The following UBR2 variants were observed in gnomAD, a reference collection of about 807,000 sequenced individuals.
UBR2 encodes ubiquitin protein ligase E3 component n-recognin 2.
In UBR2, 92 loss-of-function variants were observed where a neutral mutation model predicts 247.9. The observed-to-expected ratio is 0.37, with a 90% confidence interval of 0.31 to 0.44. The LOEUF (loss-of-function observed/expected upper bound fraction) is 0.44, where lower values mean the gene tolerates loss of function less well. Ranked by LOEUF, UBR2 falls within the 20% of genes least tolerant of loss-of-function variation. UBR2 has a pLI of 1.00. For synonymous variants in UBR2, 672 were observed against 693.5 expected, an observed-to-expected ratio of 0.97 and a Z score of 0.49; for missense variants, 1,613 against 2,112.6, an observed-to-expected ratio of 0.76 and a Z score of 4.64.
At chr6:42,652,415 C>T (rs1438954843) in intron 24 of UBR2, 76 bp from the exon 25 acceptor site, 2 of 1,458,238 alleles carry the variant, frequency 1.4e-6, no homozygotes, top group African/African-American at 2.9e-5. Context: ...TGAGTTAAAA[C>T]TATCAAAAGT....
intron 14 of UBR2, among the ~76,000 whole-genome samples, chr6:42,636,753 T>A (rs957136490): frequency 1.3e-5 from 2 of 152,066 alleles, no homozygotes; most frequent in African/African-American, 4.8e-5. Flanking sequence ...AGTTGCCAGC[T>A]TGGTAATAGA....
chr6:42,678,527 T>C lies in UBR2; in HGVS notation c.4479-12T>C. The C allele has an allele frequency of 6.3e-7, 1 of 1,598,290 alleles. No individual in the cohort carries two copies. The highest frequency in any genetic ancestry group is 8.5e-7 in the Non-Finnish European group (1 of 1,176,258). Reference sequence around the variant, plus strand: ...TAGTAGATTTCCCAATAATCTTTTTTTTCTTTTTTAGTGCCTTGAAAGAAA... The same window carrying C: ...TAGTAGATTTCCCAATAATCTTTTTCTTCTTTTTTAGTGCCTTGAAAGAAA... On this transcript the variant is annotated splice_polypyrimidine_tract_variant and intron_variant, in intron 40 of 46. Transcript: ENST00000372901.
At chr6:42,617,585 T>C in intron 11 of UBR2, 78 bp downstream of exon 11, 1 of 1,269,776 alleles carries the variant, frequency 7.9e-7, no homozygotes, top group Non-Finnish European at 1.1e-6. Context: ...CTAAAGTCTG[T>C]ATATTCCTGA....
intron 1 of UBR2, among the ~76,000 whole-genome samples, chr6:42,564,815 C>T (rs1260652147): frequency 6.6e-6 from 1 of 151,862 alleles, no homozygotes; most frequent in Non-Finnish European, 1.5e-5. Flanking sequence ...CAAGCGAAGC[C>T]GTGTGCTCCT....
Position 42,671,814 on chromosome 6 carries a change from T to C in UBR2, c.4086+1099T>C, listed in dbSNP as rs77745180. On this transcript the variant is annotated intron_variant, in intron 36 of 46. Transcript: ENST00000372901. ...AGTTCTGCCATCTAATACTCTTCCC[T>C]GGTCAGCCCCATCTATGCCTCTGAT... 8.0e-3 allele frequency among the ~76,000 whole-genome samples: 1,215 copies of C among 152,308 alleles called. 12 individuals carry two copies. Among genetic ancestry groups the C allele is most frequent in the African/African-American group, 0.027 (1,143 of 41,568 alleles).
chr6:42,584,972 T>C (rs1792162488), intron 2 of UBR2, among the ~76,000 whole-genome samples: 1 of 152,192 alleles, frequency 6.6e-6, no homozygotes, highest in Non-Finnish European at 1.5e-5. Context: ...TCTAATCTTT[T>C]TGCCTTTCTT....
intron 1 of UBR2, among the ~76,000 whole-genome samples, chr6:42,565,305 C>T (rs1790716792): frequency 6.6e-6 from 1 of 152,140 alleles, no homozygotes; most frequent in African/African-American, 2.4e-5. Context: ...AGCTTGGGCC[C>T]CACCTCTAAG....
chr6:42,641,573 T>C lies in UBR2; in HGVS notation c.1921-9T>C. 6.3e-7 allele frequency: 1 copy of C among 1,579,388 alleles called. No individual in the cohort carries two copies. The highest frequency in any genetic ancestry group is 8.6e-7 in the Non-Finnish European group (1 of 1,167,694). ...TTGTTTTCTGTTTTTTTATTTTTTG[T>C]ATATATAGAGTGAACTTAGCCCACC... On this transcript the variant is annotated splice_polypyrimidine_tract_variant and intron_variant, in intron 16 of 46. Transcript: ENST00000372901.
At chr6:42,690,782 C>T (rs1447022453) in intron 46 of UBR2, among the ~76,000 whole-genome samples, 1 of 152,174 alleles carries the variant, frequency 6.6e-6, no homozygotes, top group Non-Finnish European at 1.5e-5. Flanking sequence ...TCTATTCCCT[C>T]ACCTCACTCT....
At chr6:42,611,006 C>G (rs748174480) in intron 7 of UBR2, among the ~76,000 whole-genome samples, 1 of 151,336 alleles carries the variant, frequency 6.6e-6, no homozygotes, top group Non-Finnish European at 1.5e-5. Context: ...CCACCACGCT[C>G]GGCTAATTTT....
At chr6:42,682,335 G>A (rs773641343) in intron 42 of UBR2, among the ~76,000 whole-genome samples, 5 of 151,960 alleles carry the variant, frequency 3.3e-5, no homozygotes, top group Non-Finnish European at 7.4e-5. Flanking sequence ...GGTGGTGCTG[G>A]TTGCACAACA....
intron 19 of UBR2, 38 bp from the exon 20 acceptor site, chr6:42,644,435 T>A: frequency 6.2e-7 from 1 of 1,606,084 alleles, no homozygotes; most frequent in Non-Finnish European, 8.5e-7. Context: ...ATATGCATAT[T>A]CTTATCTCTG....
chr6:42,658,495 A>G (rs1797572070), intron 28 of UBR2, 151 bp from the exon 29 acceptor site: 5 of 1,109,918 alleles, frequency 4.5e-6, no homozygotes, highest in Non-Finnish European at 3.8e-6. Flanking sequence ...TTTCTTTAAA[A>G]CAAGTCAGTT....
chr6:42,632,864 A>C lies in UBR2; in HGVS notation c.1505A>C (p.Glu502Ala). The C allele has an allele frequency of 6.2e-7, 1 of 1,605,266 alleles. No individual in the cohort carries two copies. Among genetic ancestry groups the C allele is most frequent in the Non-Finnish European group, 8.5e-7 (1 of 1,177,208 alleles). ...WSDELRQKFL[E>A]GFDAFLELLK... ...GATGAGCTGAGGCAGAAGTTCCTAG[A>C]AGGGTTTGATGCCTTTTTGGAATTA... The change falls in exon 13 of 47, where the codon GAA becomes GCA. Residue 502 changes from glutamate (E) to alanine (A), a missense_variant. Around this residue, in one of 3 missense-constraint regions of UBR2, gnomAD observed 1,524 missense variants for 1,967.3 expected, o/e 0.77. Transcript: ENST00000372901.
intron 11 of UBR2, among the ~76,000 whole-genome samples, chr6:42,625,869 A>G (rs11758160): frequency 5.4e-5 from 8 of 148,408 alleles, no homozygotes; most frequent in African/African-American, 2.0e-4. Flanking sequence ...GTTGGAGTGC[A>G]GTGGTGCGAT....
chr6:42,614,366 GTGTA>G (rs1268059101), intron 8 of UBR2, among the ~76,000 whole-genome samples: 7 of 15,860 alleles, frequency 4.4e-4, no homozygotes, highest in African/African-American at 6.2e-4. Context: ...GTATATATGT[GTGTA>G]TGTGTGTATA....
At position 42,689,693 on chromosome 6, in the gene UBR2, C is replaced by G. The variant is rs1799641901; in HGVS notation, c.5126+23C>G. 1 of 1,604,646 alleles carries G rather than the reference C, an allele frequency of 6.2e-7. No individual in the cohort carries two copies. Among genetic ancestry groups the G allele is most frequent in the African/African-American group, 1.3e-5 (1 of 74,698 alleles). ...CAGGTAAGAACCCATCCTGAGTTAGCTAACTCAGGGCCTGCAGCGCCCTTC... is the reference window on the plus strand; with the variant it reads ...CAGGTAAGAACCCATCCTGAGTTAGGTAACTCAGGGCCTGCAGCGCCCTTC... On this transcript the variant is annotated intron_variant, in intron 46 of 46. Transcript: ENST00000372901. The surrounding 1 kb of genome is among the most constrained non-coding windows in gnomAD (Gnocchi z 4.0).
chr6:42,616,203 T>C, intron 10 of UBR2, 113 bp downstream of exon 10: 3 of 623,472 alleles, frequency 4.8e-6, no homozygotes, highest in Non-Finnish European at 7.8e-6. Context: ...TGTGTTGATA[T>C]TAAATTCTAA....
chr6:42,565,698 T>C (rs935298378), intron 1 of UBR2, among the ~76,000 whole-genome samples: 1 of 152,044 alleles, frequency 6.6e-6, no homozygotes, highest in African/African-American at 2.4e-5. Context: ...GTAGCTGGGA[T>C]TACAGGCATG....
Sources: allele counts gnomAD v4.1 joint callset (sites outside exome capture counted in the v4.1 genomes callset), GRCh38; gene constraint gnomAD v4.1.1; regional missense constraint gnomAD v4.1.1; non-coding constraint Gnocchi (gnomAD v3.1); transcripts MANE v1.5; gene names NCBI Gene and HGNC (gene_info 2026-07-23, HGNC 2026-07-21).